The following DCHS2 variants were observed in gnomAD, a reference collection of about 807,000 sequenced individuals.
DCHS2 encodes dachsous cadherin-related 2, also known as protocadherin-23.
Under a neutral mutation model 182.4 loss-of-function variants are expected in DCHS2, and 142 were observed. That is an observed-to-expected ratio of 0.78 (90% CI 0.68 to 0.89). DCHS2 has a LOEUF of 0.89. Among genes scored for constraint, DCHS2 ranks in the 40% least tolerant of loss-of-function variants. The pLI, the probability that DCHS2 is intolerant of heterozygous loss-of-function variation, is 0.00. For synonymous variants in DCHS2, 1,740 were observed against 1,663.3 expected (o/e 1.05, Z -1.12); for missense variants, 4,319 against 4,198.6 (o/e 1.03, Z -0.79).
At chr4:154,398,903 C>T (rs1732040998) in intron 1 of DCHS2, among the ~76,000 whole-genome samples, 1 of 152,214 alleles carries the variant, frequency 6.6e-6, no homozygotes, top group African/African-American at 2.4e-5. Context: ...TTGGCAGAGG[C>T]TTTAAAAGGA....
At chr4:154,361,028 G>A (rs919244425) in intron 3 of DCHS2, among the ~76,000 whole-genome samples, 1 of 152,166 alleles carries the variant, frequency 6.6e-6, no homozygotes, top group African/African-American at 2.4e-5. Context: ...AATATGTATT[G>A]AACAGATGAA....
intron 3 of DCHS2, among the ~76,000 whole-genome samples, chr4:154,363,769 C>T (rs754778784): frequency 2.6e-5 from 4 of 152,094 alleles, no homozygotes; most frequent in African/African-American, 4.8e-5. Flanking sequence ...TTGATTTAAT[C>T]GCTTCACAAT....
At chr4:154,371,573 C>T (rs749784103) in intron 2 of DCHS2, among the ~76,000 whole-genome samples, 1 of 152,098 alleles carries the variant, frequency 6.6e-6, no homozygotes, top group Admixed American at 6.6e-5. Context: ...TCCATTCTCA[C>T]ATTGCTATAA....
intron 13 of DCHS2, among the ~76,000 whole-genome samples, chr4:154,273,800 C>A (rs1269413661): frequency 1.3e-5 from 2 of 148,616 alleles, no homozygotes; most frequent in Non-Finnish European, 3.0e-5. Flanking sequence ...GTGCTTCTTA[C>A]TTAACTGTCA....
chr4:154,238,159 T>TGGGG (rs571738661), intron 19 of DCHS2, among the ~76,000 whole-genome samples: 4 of 122,026 alleles, frequency 3.3e-5, no homozygotes, highest in African/African-American at 3.6e-5. Flanking sequence ...GAAAAGACGG[T>TGGGG]GGGGGGGTGG....
intron 17 of DCHS2, among the ~76,000 whole-genome samples, chr4:154,241,748 C>T (rs748746643): frequency 7.9e-5 from 12 of 152,002 alleles, no homozygotes; most frequent in Admixed American, 1.3e-4. Flanking sequence ...ATTGCATGTG[C>T]TGAAAAATAG....
chr4:154,236,861 A>G lies in DCHS2; in HGVS notation c.7791T>C (p.Asn2597=). Reference sequence around the variant, plus strand: ...GAAAGAACTTAGTTTCCACATGAAAATTGTTCTGTGAATTACCACTGATGA... The same window carrying G: ...GAAAGAACTTAGTTTCCACATGAAAGTTGTTCTGTGAATTACCACTGATGA... The part of the protein sequence containing the change: ...YSIISGNSQN[N]FHVETKFFHS... Residue 2597 remains asparagine (N), a synonymous_variant, in exon 20 of 20, where the codon AAT becomes AAC. Coordinates refer to ENST00000357232, the MANE Select transcript of DCHS2 (RefSeq NM_001358235.2). The G allele has an allele frequency of 6.2e-7, 1 of 1,614,026 alleles. No homozygotes were observed.
At chr4:154,411,600 A>G (rs898339018) in intron 1 of DCHS2, among the ~76,000 whole-genome samples, 2 of 152,176 alleles carry the variant, frequency 1.3e-5, no homozygotes, top group African/African-American at 2.4e-5. Flanking sequence ...TCAAAAAAAA[A>G]AGAAAAGAAT....
rs528569353 is a variant in DCHS2, at chr4:154,324,447, A to G, written c.4019-1959T>C. 3.9e-5 allele frequency among the ~76,000 whole-genome samples: 6 copies of G among 152,324 alleles called. No individual in the cohort carries two copies. The South Asian group carries it at 1.2e-3, about 32-fold the overall frequency. On this transcript the variant is annotated intron_variant, in intron 7 of 19. Transcript: ENST00000357232. ...TTTGGGAGAACATATTTGGGACATT[A>G]GAGGTGCTCATCGTTTCTGGGTTTG...
chr4:154,294,719 C>T (rs1306939314), intron 13 of DCHS2, among the ~76,000 whole-genome samples: 2 of 152,040 alleles, frequency 1.3e-5, no homozygotes, highest in African/African-American at 4.8e-5. Context: ...CTTCCAGGGC[C>T]GAGCCTTGAC....
At chr4:154,239,804 T>C (rs1403068147) in intron 18 of DCHS2, among the ~76,000 whole-genome samples, 3 of 152,172 alleles carry the variant, frequency 2.0e-5, no homozygotes, top group African/African-American at 7.2e-5. Flanking sequence ...CCACCACGCC[T>C]GGCCAGAAAA....
intron 13 of DCHS2, among the ~76,000 whole-genome samples, chr4:154,277,744 T>C (rs1733919943): frequency 6.6e-6 from 1 of 151,910 alleles, no homozygotes; most frequent in African/African-American, 2.4e-5. Flanking sequence ...ATAAATTACT[T>C]AACAAAGAAT....
At chr4:154,283,246 T>A (rs1231443852) in intron 13 of DCHS2, among the ~76,000 whole-genome samples, 2 of 152,216 alleles carry the variant, frequency 1.3e-5, no homozygotes, top group East Asian at 3.9e-4. Flanking sequence ...GCTGAACCAT[T>A]ACTAAGGCTT....
At chr4:154,432,321 G>T (rs1301132615) in intron 1 of DCHS2, among the ~76,000 whole-genome samples, 4 of 152,146 alleles carry the variant, frequency 2.6e-5, no homozygotes, top group African/African-American at 4.8e-5. Context: ...CTACAACTAT[G>T]ATTTGTCAAT....
chr4:154,371,852 G>GA lies in DCHS2; in HGVS notation c.2244+5400_2244+5401insT, dbSNP rs1730662926. ...CACTATCAGGAGAACAGTACCGGAG[G>GA]GGGATGGTGCTAAACTATTCATGAG... is the stretch of plus-strand genomic sequence containing the variant. On this transcript the variant is annotated intron_variant, in intron 2 of 19. Transcript: ENST00000357232. Among the ~76,000 whole-genome samples the GA allele has an allele frequency of 3.3e-5, 5 of 152,186 alleles. No homozygotes were observed. In the East Asian group the frequency reaches 5.8e-4, roughly 18 times the overall value.
At chr4:154,336,544 A>T (rs192574080) in intron 3 of DCHS2, among the ~76,000 whole-genome samples, 2 of 152,346 alleles carry the variant, frequency 1.3e-5, no homozygotes, top group East Asian at 3.9e-4. Context: ...CATCAGGGAT[A>T]TCAGTTTCTA....
chr4:154,445,346 C>T (rs1734236257), intron 1 of DCHS2, among the ~76,000 whole-genome samples: 1 of 152,180 alleles, frequency 6.6e-6, no homozygotes, highest in Non-Finnish European at 1.5e-5. Flanking sequence ...AAATCAATTT[C>T]TTCAGGGCAT....
intron 15 of DCHS2, among the ~76,000 whole-genome samples, chr4:154,255,994 T>C (rs78182599): frequency 0.045 from 6,883 of 152,242 alleles, 491 homozygotes; most frequent in African/African-American, 0.16. Flanking sequence ...CAATAGTGTA[T>C]ATGAATTCAT....
intron 1 of DCHS2, among the ~76,000 whole-genome samples, chr4:154,387,081 C>T (rs1324450363): frequency 6.6e-6 from 1 of 152,184 alleles, no homozygotes; most frequent in Non-Finnish European, 1.5e-5. Context: ...AAGAGAGACT[C>T]TCACAGCTAT....
Sources: gnomAD v4.1 joint callset for allele counts (sites outside exome capture counted in the v4.1 genomes callset) on GRCh38, gnomAD v4.1.1 for gene constraint, MANE v1.5 for transcripts, NCBI Gene and HGNC (gene_info 2026-07-23, HGNC 2026-07-21) for gene names.